The following NBAS variants were observed in gnomAD, a reference collection of about 807,000 sequenced individuals.
NBAS encodes NBAS subunit of NRZ tethering complex.
Under a neutral mutation model 302.5 loss-of-function variants are expected in NBAS, and 219 were observed. That is an observed-to-expected ratio of 0.72 (90% CI 0.65 to 0.81). The LOEUF is 0.81. Ranked by LOEUF, NBAS falls within the 30% of genes least tolerant of loss-of-function variation. NBAS has a pLI of 0.00. For synonymous variants in NBAS, 1,118 were observed against 1,021.6 expected, an observed-to-expected ratio of 1.09 and a Z score of -1.80; for missense variants, 2,932 against 2,841.6, an observed-to-expected ratio of 1.03 and a Z score of -0.72.
At chr2:14,848,065 G>C in the NBAS span, among the ~76,000 whole-genome samples, 2 of 152,138 alleles carry the variant, frequency 1.3e-5, no homozygotes, top group African/African-American at 2.4e-5. Context: ...AGAAAATTGA[G>C]GGGGAGGAGC....
At chr2:14,814,275 C>T in the NBAS span, among the ~76,000 whole-genome samples, 1 of 152,260 alleles carries the variant, frequency 6.6e-6, no homozygotes, top group East Asian at 1.9e-4. Context: ...TCCTCCAGAC[C>T]CCCAAATGGT....
intron 21 of NBAS, among the ~76,000 whole-genome samples, chr2:15,433,810 C>A (rs1677877109): frequency 6.6e-6 from 1 of 152,062 alleles, no homozygotes; most frequent in South Asian, 2.1e-4. Flanking sequence ...TAAAGAATTT[C>A]CCAGGGCCAG....
the NBAS span, among the ~76,000 whole-genome samples, chr2:14,853,006 G>T: frequency 2.0e-5 from 3 of 149,998 alleles, no homozygotes; most frequent in African/African-American, 7.4e-5. Flanking sequence ...CAGGACATAG[G>T]CATGGGAAGG....
chr2:15,322,291 G>C (rs141065956), intron 38 of NBAS, among the ~76,000 whole-genome samples: 3,521 of 152,106 alleles, frequency 0.023, 121 homozygotes, highest in African/African-American at 0.076. Context: ...TAATGTAAAT[G>C]ACGAGTTGAT....
At chr2:15,515,631 A>G (rs1159118339) in intron 9 of NBAS, among the ~76,000 whole-genome samples, 1 of 152,258 alleles carries the variant, frequency 6.6e-6, no homozygotes. Context: ...CAAGTGATTA[A>G]GAAAATAAAA....
the NBAS span, among the ~76,000 whole-genome samples, chr2:14,787,514 C>A: frequency 6.6e-6 from 1 of 152,128 alleles, no homozygotes; most frequent in African/African-American, 2.4e-5. Context: ...TAGGGCAGGC[C>A]TGATGGTGAC....
At chr2:15,439,891 G>A (rs543783949) in intron 21 of NBAS, among the ~76,000 whole-genome samples, 1 of 152,382 alleles carries the variant, frequency 6.6e-6, no homozygotes, top group African/African-American at 2.4e-5. Context: ...CGTCCACGGA[G>A]TCTCCCTGAT....
the NBAS span, among the ~76,000 whole-genome samples, chr2:14,789,776 C>T: frequency 2.0e-5 from 3 of 152,314 alleles, no homozygotes; most frequent in Non-Finnish European, 2.9e-5. Context: ...GGGGCCATCT[C>T]CCCATGACAG....
At chr2:15,129,302 C>T in the NBAS span, among the ~76,000 whole-genome samples, 2 of 152,212 alleles carry the variant, frequency 1.3e-5, no homozygotes, top group African/African-American at 2.4e-5. Flanking sequence ...CTTCTCTCTC[C>T]GAGCTGGCAG....
At chr2:14,840,117 G>A in the NBAS span, among the ~76,000 whole-genome samples, 1 of 151,734 alleles carries the variant, frequency 6.6e-6, no homozygotes, top group Non-Finnish European at 1.5e-5. Flanking sequence ...AGAAATCTTG[G>A]AACTAAGAAA....
At chr2:14,854,707 C>G in the NBAS span, among the ~76,000 whole-genome samples, 1 of 152,182 alleles carries the variant, frequency 6.6e-6, no homozygotes, top group African/African-American at 2.4e-5. Context: ...CTGGACCAAA[C>G]TCAGCTGATG....
chr2:15,096,361 A>C, the NBAS span, among the ~76,000 whole-genome samples: 4 of 152,190 alleles, frequency 2.6e-5, no homozygotes, highest in African/African-American at 4.8e-5. Flanking sequence ...GCCACAACTG[A>C]CATCAAGACC....
intron 11 of NBAS, among the ~76,000 whole-genome samples, chr2:15,492,223 C>T (rs1680887015): frequency 6.6e-6 from 1 of 152,156 alleles, no homozygotes; most frequent in Non-Finnish European, 1.5e-5. Flanking sequence ...CACCACCATG[C>T]CAGAGGATTT....
chr2:14,937,763 T>C, the NBAS span, among the ~76,000 whole-genome samples: 1 of 152,162 alleles, frequency 6.6e-6, no homozygotes, highest in East Asian at 1.9e-4. Flanking sequence ...TCCTGCACCA[T>C]TTATCAGAAG....
chr2:15,212,921 G>A (rs974759309), intron 48 of NBAS, among the ~76,000 whole-genome samples: 2 of 152,112 alleles, frequency 1.3e-5, no homozygotes, highest in Admixed American at 6.5e-5. Context: ...TTATAGCAGC[G>A]TGAGAACAAA....
chr2:15,127,362 T>C, the NBAS span, among the ~76,000 whole-genome samples: 2 of 152,204 alleles, frequency 1.3e-5, no homozygotes, highest in African/African-American at 4.8e-5. Context: ...GTGATAATGA[T>C]TTAACAGCAC....
chr2:15,434,606 G>A (rs1472272247), intron 21 of NBAS, among the ~76,000 whole-genome samples: 3 of 152,078 alleles, frequency 2.0e-5, no homozygotes, highest in Non-Finnish European at 4.4e-5. Context: ...AAATACATAG[G>A]TTTTATTGTT....
chr2:14,795,574 A>G, the NBAS span, among the ~76,000 whole-genome samples: 5 of 152,080 alleles, frequency 3.3e-5, no homozygotes, highest in African/African-American at 1.2e-4. Flanking sequence ...AGTTTCTTTC[A>G]AATGAGAGAA....
At chr2:15,281,468 C>G (rs1360467192) in intron 42 of NBAS, among the ~76,000 whole-genome samples, 2 of 152,150 alleles carry the variant, frequency 1.3e-5, no homozygotes, top group African/African-American at 4.8e-5. Flanking sequence ...ATCAGATGTG[C>G]AATGTTAGGT....
Sources: allele counts gnomAD v4.1 joint callset (sites outside exome capture counted in the v4.1 genomes callset), GRCh38; gene constraint gnomAD v4.1.1; transcripts MANE v1.5; gene names NCBI Gene and HGNC (gene_info 2026-07-23, HGNC 2026-07-21).